Variants in RBFOX1 observed in about 807,000 individuals in gnomAD.
The protein encoded by RBFOX1 is RNA binding fox-1 homolog 1.
RBFOX1 carries 8 observed loss-of-function variants against 57.7 expected under a neutral mutation model. That is an observed-to-expected ratio of 0.14 (90% CI 0.08 to 0.25). The LOEUF is 0.25. RBFOX1 is among the 10% of genes least tolerant of loss of function. The probability of loss-of-function intolerance (pLI) is 1.00; values close to 1 mark genes in which losing one functional copy is unlikely to be tolerated. For synonymous variants in RBFOX1, 326 were observed against 222.4 expected (o/e 1.47, Z -4.15); for missense variants, 611 against 548.5 (o/e 1.11, Z -1.14).
intron 4 of RBFOX1, among the ~76,000 whole-genome samples, chr16:7,253,498 A>G (rs1277026779): frequency 6.6e-6 from 1 of 152,058 alleles, no homozygotes; most frequent in Non-Finnish European, 1.5e-5. Context: ...TACATCATTG[A>G]CCTTGTCATC....
rs546554321 is a variant in RBFOX1 at position 7,225,843 on chromosome 16, T to C, written c.27+173745T>C. 3.2e-3 allele frequency among the ~76,000 whole-genome samples: 482 copies of C among 148,584 alleles called. 5 individuals carry two copies. The highest frequency in any genetic ancestry group is 0.012 in the African/African-American group (467 of 39,760). On this transcript the variant is annotated intron_variant, in intron 4 of 15. Transcript: ENST00000550418. ...GGGTGCAGCACACCAACATGGCATATGTATACATATGTAACAAACCTGCAT... is the reference window on the plus strand; with the variant it reads ...GGGTGCAGCACACCAACATGGCATACGTATACATATGTAACAAACCTGCAT...
chr16:7,691,984 G>C (rs149405279), intron 14 of RBFOX1, among the ~76,000 whole-genome samples: 1 of 152,100 alleles, frequency 6.6e-6, no homozygotes, highest in Non-Finnish European at 1.5e-5. Context: ...AGGAATTCCC[G>C]TGTTATTGCC....
At chr16:6,900,608 G>A (rs1007103596) in intron 3 of RBFOX1, among the ~76,000 whole-genome samples, 2 of 152,134 alleles carry the variant, frequency 1.3e-5, no homozygotes, top group Admixed American at 1.3e-4. Flanking sequence ...TGTGCTGAGT[G>A]TCACAGCAGA....
At chr16:6,300,092 G>C (rs2078634452) in intron 1 of RBFOX1, among the ~76,000 whole-genome samples, 1 of 152,146 alleles carries the variant, frequency 6.6e-6, no homozygotes. Context: ...GCCAGGCACA[G>C]GGGAACAAAT....
intron 2 of RBFOX1, among the ~76,000 whole-genome samples, chr16:6,520,104 C>T (rs568195224): frequency 6.6e-6 from 1 of 152,306 alleles, no homozygotes; most frequent in African/African-American, 2.4e-5. Flanking sequence ...CAGTGAACTG[C>T]TTCATTCGGA....
chr16:7,663,803 C>T (rs753467116), intron 12 of RBFOX1, among the ~76,000 whole-genome samples: 1 of 152,138 alleles, frequency 6.6e-6, no homozygotes, highest in South Asian at 2.1e-4. Flanking sequence ...GTGATCCTTA[C>T]AAAAACCTGT....
At chr16:5,585,458 A>T (rs1310620177) in intron 2 of RBFOX1, among the ~76,000 whole-genome samples, 1 of 152,116 alleles carries the variant, frequency 6.6e-6, no homozygotes, top group Non-Finnish European at 1.5e-5. Flanking sequence ...TGGGATTTTT[A>T]AACTTGTAGA....
chr16:5,695,858 C>G (rs1482520710), intron 3 of RBFOX1, among the ~76,000 whole-genome samples: 1 of 152,098 alleles, frequency 6.6e-6, no homozygotes, highest in Admixed American at 6.5e-5. Context: ...CTCACAGGTA[C>G]TAATCATTCA....
chr16:7,541,426 GCGT>G (rs2082903235), intron 5 of RBFOX1, among the ~76,000 whole-genome samples: 1 of 151,868 alleles, frequency 6.6e-6, no homozygotes, highest in Non-Finnish European at 1.5e-5. Flanking sequence ...GACATCTTCT[GCGT>G]CAAAGGATCT....
rs570245826 is a variant in RBFOX1, at chr16:6,781,490, G to A, written c.-16+126840G>A. Among the ~76,000 whole-genome samples, 52 of 152,166 alleles carry A rather than the reference G, an allele frequency of 3.4e-4. No individual in the cohort carries two copies. The South Asian group carries it at 0.011, about 31-fold the overall frequency. ...ACTCCTTGATTTTTTAGAATAGTTT[G>A]AATAGAATTGGTATTAAGTCTTCCT... On this transcript the variant is annotated intron_variant, in intron 3 of 15. Transcript: ENST00000550418.
intron 3 of RBFOX1, among the ~76,000 whole-genome samples, chr16:5,645,678 T>G (rs919244972): frequency 6.6e-6 from 1 of 152,246 alleles, no homozygotes. Context: ...ACGTATTTTT[T>G]GTTCACAGAC....
At chr16:5,943,180 TC>T in intron 4 of RBFOX1, among the ~76,000 whole-genome samples, 1 of 152,320 alleles carries the variant, frequency 6.6e-6, no homozygotes, top group South Asian at 2.1e-4. Flanking sequence ...AGCCAGTGCT[TC>T]TAGGTGTAGC....
intron 2 of RBFOX1, among the ~76,000 whole-genome samples, chr16:5,497,622 C>CAAAAAAAAAAAAAAAAAAAAAAAA (rs911723996): frequency 1.1e-4 from 6 of 53,418 alleles, no homozygotes; most frequent in African/African-American, 5.5e-4. Flanking sequence ...ACTAAAAATA[C>CAAAAAAAAAAAAAAAAAAAAAAAA]AAAAAAAAAA....
At chr16:7,097,133 G>C (rs766662536) in intron 4 of RBFOX1, among the ~76,000 whole-genome samples, 33 of 152,122 alleles carry the variant, frequency 2.2e-4, no homozygotes, top group Non-Finnish European at 4.3e-4. Context: ...GCAACCGCGA[G>C]AGAGGTATTG....
intron 2 of RBFOX1, among the ~76,000 whole-genome samples, chr16:6,431,494 G>C (rs978969666): frequency 1.3e-5 from 2 of 152,064 alleles, no homozygotes; most frequent in African/African-American, 4.8e-5. Context: ...CCAGGTATCT[G>C]AGTAAATGTC....
chr16:6,211,870 A>G (rs1178912806), intron 1 of RBFOX1, among the ~76,000 whole-genome samples: 1 of 136,036 alleles, frequency 7.4e-6, no homozygotes, highest in Non-Finnish European at 1.6e-5. Context: ...ATTTATTTTT[A>G]ACAGAGTCTC....
chr16:6,092,696 T>C (rs932537525), intron 1 of RBFOX1: 1 of 152,152 alleles, frequency 6.6e-6, no homozygotes, highest in African/African-American at 2.4e-5. Context: ...ATCAGATGGT[T>C]ATTGGTGTGT....
intron 2 of RBFOX1, among the ~76,000 whole-genome samples, chr16:6,431,395 G>A (rs762505163): frequency 6.6e-6 from 1 of 152,046 alleles, no homozygotes. Context: ...GAAGAGGGAG[G>A]GAAAAGGAGC....
At chr16:7,636,638 T>C (rs28404577) in intron 11 of RBFOX1, among the ~76,000 whole-genome samples, 87,360 of 152,098 alleles carry the variant, frequency 0.57, 26,564 homozygotes, top group African/African-American at 0.78. Context: ...TGTTTTGCAC[T>C]GTATCAGTCA....
Sources: allele counts gnomAD v4.1 joint callset (sites outside exome capture counted in the v4.1 genomes callset), GRCh38; gene constraint gnomAD v4.1.1; transcripts MANE v1.5; gene names NCBI Gene and HGNC (gene_info 2026-07-23, HGNC 2026-07-21).